LHFPL2: variants seen among roughly 807,000 people sequenced by gnomAD.
LHFPL2 encodes the protein LHFPL tetraspan subfamily member 2 protein.
In LHFPL2, 7 loss-of-function variants were observed where a neutral mutation model predicts 17.5. The observed-to-expected ratio is 0.40, with a 90% CI of 0.23 to 0.75. The LOEUF is 0.75. Ranked by LOEUF, LHFPL2 falls within the 30% of genes least tolerant of loss-of-function variation. LHFPL2 has a pLI of 0.37. For missense variants in LHFPL2, 241 were observed against 294.8 expected, an observed-to-expected ratio of 0.82 and a Z score of 1.34; for synonymous variants, 134 against 116.2, an observed-to-expected ratio of 1.15 and a Z score of -0.99.
chr5:78,501,373 A>C (rs1183321651), intron 4 of LHFPL2, among the ~76,000 whole-genome samples: 1 of 152,204 alleles, frequency 6.6e-6, no homozygotes, highest in East Asian at 1.9e-4. Flanking sequence ...AAGCCTTAGC[A>C]CAGAGTGGAC....
At chr5:78,507,507 G>A (rs997740354) in intron 4 of LHFPL2, among the ~76,000 whole-genome samples, 4 of 152,080 alleles carry the variant, frequency 2.6e-5, no homozygotes, top group African/African-American at 7.2e-5. Flanking sequence ...CTCAACTAAC[G>A]CCTTATTATA....
At chr5:78,543,267 C>T (rs1472293967) in intron 3 of LHFPL2, among the ~76,000 whole-genome samples, 1 of 152,210 alleles carries the variant, frequency 6.6e-6, no homozygotes, top group East Asian at 1.9e-4. Flanking sequence ...TTTGGGACCC[C>T]TCTCTCTGCA....
intron 3 of LHFPL2, among the ~76,000 whole-genome samples, chr5:78,529,695 C>T (rs1435775943): frequency 1.3e-5 from 2 of 151,756 alleles, no homozygotes; most frequent in South Asian, 2.1e-4. Context: ...CATTACATGA[C>T]GAGACAGATG....
chr5:78,606,089 C>A (rs908847273), intron 2 of LHFPL2, among the ~76,000 whole-genome samples: 5 of 152,200 alleles, frequency 3.3e-5, no homozygotes, highest in African/African-American at 1.2e-4. Context: ...TCACCAAGTG[C>A]CCACTCTGCC....
intron 2 of LHFPL2, among the ~76,000 whole-genome samples, chr5:78,580,955 G>T (rs573949988): frequency 2.6e-5 from 4 of 152,142 alleles, no homozygotes; most frequent in African/African-American, 4.8e-5. Context: ...CCATTTTCAC[G>T]ATATTGATTC....
chr5:78,559,248 A>G (rs192323937), intron 3 of LHFPL2, among the ~76,000 whole-genome samples: 3 of 152,338 alleles, frequency 2.0e-5, no homozygotes, highest in East Asian at 3.9e-4. Context: ...AAATACTTAC[A>G]AAGTGGATGT....
At chr5:78,492,460 C>G (rs892493290) in intron 4 of LHFPL2, among the ~76,000 whole-genome samples, 16 of 152,166 alleles carry the variant, frequency 1.1e-4, no homozygotes, top group African/African-American at 2.9e-4. Context: ...CTTGGGTTCT[C>G]TGGGGAAGCA....
chr5:78,564,596 G>A (rs1756812218), intron 3 of LHFPL2, among the ~76,000 whole-genome samples: 1 of 152,136 alleles, frequency 6.6e-6, no homozygotes, highest in Non-Finnish European at 1.5e-5. Context: ...GGCAATTATA[G>A]CATTAAATTC....
At chr5:78,596,646 T>C (rs1743834541) in intron 2 of LHFPL2, among the ~76,000 whole-genome samples, 1 of 152,178 alleles carries the variant, frequency 6.6e-6, no homozygotes, top group Admixed American at 6.5e-5. Flanking sequence ...AATTGTCTCC[T>C]ATAGCCATGT....
intron 3 of LHFPL2, among the ~76,000 whole-genome samples, chr5:78,525,461 T>C (rs1755593956): frequency 6.6e-6 from 1 of 152,166 alleles, no homozygotes; most frequent in Non-Finnish European, 1.5e-5. Context: ...CTTGGAAAAA[T>C]GAATTGAGCA....
intron 3 of LHFPL2, among the ~76,000 whole-genome samples, chr5:78,546,354 T>G (rs1756273930): frequency 6.6e-6 from 1 of 152,140 alleles, no homozygotes; most frequent in Non-Finnish European, 1.5e-5. Flanking sequence ...ACTAAAACCA[T>G]GAGAGGGACA....
chr5:78,491,954 G>A (rs186377465), intron 4 of LHFPL2, among the ~76,000 whole-genome samples: 1 of 152,216 alleles, frequency 6.6e-6, no homozygotes, highest in East Asian at 1.9e-4. Context: ...ACAGAGGTTT[G>A]TTCAGCTGAG....
intron 3 of LHFPL2, among the ~76,000 whole-genome samples, chr5:78,516,872 T>C (rs1755307910): frequency 6.6e-6 from 1 of 152,084 alleles, no homozygotes; most frequent in East Asian, 1.9e-4. Flanking sequence ...AAAGTTAACT[T>C]CTGTTTTCAT....
rs1480840575 is a variant in LHFPL2, at chr5:78,621,865, C to T, written c.-245+10399G>A. 3.3e-5 allele frequency among the ~76,000 whole-genome samples: 5 copies of T among 152,022 alleles called. No homozygotes were observed. In the East Asian group the frequency reaches 9.6e-4, roughly 29 times the overall value. On this transcript the variant is annotated intron_variant, in intron 2 of 4. Transcript: ENST00000380345. ...ATTTTACACAATTTTTTGGCTTTGCCTTCCCCTTTCCCCCTAAGCTGTTGG... is the reference window on the plus strand; with the variant it reads ...ATTTTACACAATTTTTTGGCTTTGCTTTCCCCTTTCCCCCTAAGCTGTTGG...
intron 2 of LHFPL2, among the ~76,000 whole-genome samples, chr5:78,586,363 G>C (rs1481312069): frequency 1.3e-5 from 2 of 152,302 alleles, no homozygotes; most frequent in Non-Finnish European, 2.9e-5. Context: ...TGATTTTCAT[G>C]TTGTCTCATT....
At chr5:78,577,180 A>G (rs1757154555) in intron 2 of LHFPL2, among the ~76,000 whole-genome samples, 1 of 152,222 alleles carries the variant, frequency 6.6e-6, no homozygotes, top group African/African-American at 2.4e-5. Context: ...AGGCACAGGG[A>G]AGTCAAAACA....
At chr5:78,528,494 C>T (rs145189486) in intron 3 of LHFPL2, among the ~76,000 whole-genome samples, 40 of 152,346 alleles carry the variant, frequency 2.6e-4, no homozygotes, top group African/African-American at 9.1e-4. Context: ...AACCATCCCA[C>T]CCCATCATAC....
chr5:78,587,827 C>T (rs188627122), intron 2 of LHFPL2, among the ~76,000 whole-genome samples: 1 of 152,368 alleles, frequency 6.6e-6, no homozygotes, highest in East Asian at 1.9e-4. Context: ...CCCTACCACA[C>T]AGCCAGTGCA....
intron 2 of LHFPL2, among the ~76,000 whole-genome samples, chr5:78,609,965 A>G (rs2112484596): frequency 6.6e-6 from 1 of 152,270 alleles, no homozygotes; most frequent in East Asian, 1.9e-4. Context: ...CAGGCTGCTG[A>G]AACTCCTGCC....
Sources: gnomAD v4.1 joint callset for allele counts (sites outside exome capture counted in the v4.1 genomes callset) on GRCh38, gnomAD v4.1.1 for gene constraint, MANE v1.5 for transcripts, NCBI Gene and HGNC (gene_info 2026-07-23, HGNC 2026-07-21) for gene names.